The following ZNF385D variants were observed in gnomAD, a reference collection of about 807,000 sequenced individuals.
ZNF385D encodes zinc finger protein 659.
ZNF385D carries 15 observed loss-of-function variants against 35.8 expected under a neutral mutation model. The ratio of observed to expected loss-of-function variants is 0.42; its 90% CI spans 0.28 to 0.64. The LOEUF (loss-of-function observed/expected upper bound fraction) is 0.64, where lower values mean the gene tolerates loss of function less well. Among genes scored for constraint, ZNF385D ranks in the 30% least tolerant of loss-of-function variants. The pLI, the probability that ZNF385D is intolerant of heterozygous loss-of-function variation, is 0.23. For synonymous variants in ZNF385D, 212 were observed against 186.8 expected, an observed-to-expected ratio of 1.13 and a Z score of -1.10; for missense variants, 474 against 494.6, an observed-to-expected ratio of 0.96 and a Z score of 0.39.
At chr3:21,770,156 T>C (rs1250241962) in intron 3 of ZNF385D, among the ~76,000 whole-genome samples, 3 of 151,866 alleles carry the variant, frequency 2.0e-5, no homozygotes, top group Non-Finnish European at 4.4e-5. Context: ...CTAGGCAATA[T>C]CATTCAGGAC....
chr3:21,931,245 T>G (rs1700992439), intron 3 of ZNF385D, among the ~76,000 whole-genome samples: 1 of 152,148 alleles, frequency 6.6e-6, no homozygotes, highest in Non-Finnish European at 1.5e-5. Flanking sequence ...CAATGATATA[T>G]AATTTTTTTA....
intron 2 of ZNF385D, among the ~76,000 whole-genome samples, chr3:22,289,465 GT>G (rs1255563559): frequency 1.3e-5 from 2 of 152,126 alleles, no homozygotes; most frequent in African/African-American, 4.8e-5. Context: ...TCTTCCAAAG[GT>G]TTATTGTTTC....
intron 2 of ZNF385D, among the ~76,000 whole-genome samples, chr3:22,182,953 GGATA>G (rs1250338382): frequency 6.6e-6 from 1 of 151,826 alleles, no homozygotes; most frequent in Non-Finnish European, 1.5e-5. Flanking sequence ...TGATGGATAT[GGATA>G]GAAATATAGA....
chr3:22,042,987 T>C (rs1008722557), intron 3 of ZNF385D, among the ~76,000 whole-genome samples: 2 of 152,146 alleles, frequency 1.3e-5, no homozygotes, highest in Non-Finnish European at 2.9e-5. Flanking sequence ...TTGAATCTTA[T>C]TAACCCAGTC....
At chr3:22,050,790 C>G (rs914037604) in intron 3 of ZNF385D, among the ~76,000 whole-genome samples, 2 of 151,022 alleles carry the variant, frequency 1.3e-5, no homozygotes, top group Non-Finnish European at 3.0e-5. Flanking sequence ...ATTAAATAAA[C>G]TAAACAATCA....
chr3:21,564,603 T>A lies in ZNF385D; in HGVS notation c.247A>T (p.Asn83Tyr). The part of the protein sequence containing the change: ...PHRRKQIISC[N>Y]ICQLRFNSDS... ...GAATTAAATCTCAACTGGCAAATGTTGCATGATATGATTTGCTTTCTTCGG... is the reference window on the plus strand; with the variant it reads ...GAATTAAATCTCAACTGGCAAATGTAGCATGATATGATTTGCTTTCTTCGG... The change falls in exon 3 of 8, where the codon AAC becomes TAC. Residue 83 changes from asparagine to tyrosine, a missense_variant. Coordinates refer to ENST00000281523, the MANE Select transcript of ZNF385D (RefSeq NM_024697.3). The A allele has an allele frequency of 6.4e-7, 1 of 1,564,334 alleles. No individual in the cohort carries two copies. The highest frequency in any genetic ancestry group is 8.7e-7 in the Non-Finnish European group (1 of 1,154,638).
intron 2 of ZNF385D, among the ~76,000 whole-genome samples, chr3:22,196,748 ATTG>A (rs1180347171): frequency 1.3e-5 from 2 of 152,132 alleles, no homozygotes; most frequent in East Asian, 1.9e-4. Context: ...CCCAAAATAC[ATTG>A]TTGTCATTTT....
chr3:21,799,782 C>T (rs1182219970), intron 3 of ZNF385D, among the ~76,000 whole-genome samples: 1 of 151,270 alleles, frequency 6.6e-6, no homozygotes, highest in Non-Finnish European at 1.5e-5. Context: ...TATATTTTTT[C>T]TTGTTACTTT....
intron 2 of ZNF385D, among the ~76,000 whole-genome samples, chr3:22,228,925 C>T (rs1698722658): frequency 6.6e-6 from 1 of 152,200 alleles, no homozygotes; most frequent in Non-Finnish European, 1.5e-5. Flanking sequence ...ATTGTTTGCC[C>T]AGGAGCTCTT....
chr3:21,938,183 G>A (rs191498190), intron 3 of ZNF385D, among the ~76,000 whole-genome samples: 10 of 152,162 alleles, frequency 6.6e-5, no homozygotes, highest in East Asian at 3.9e-4. Context: ...CATTTTAGTC[G>A]GATAATTTGT....
intron 2 of ZNF385D, among the ~76,000 whole-genome samples, chr3:22,285,045 A>C (rs185165769): frequency 4.2e-3 from 637 of 152,316 alleles, no homozygotes; most frequent in Middle Eastern, 0.014. Flanking sequence ...ATGTTGCAGA[A>C]TAATCCACTT....
At chr3:21,602,368 C>G (rs1233793395) in intron 2 of ZNF385D, among the ~76,000 whole-genome samples, 2 of 151,822 alleles carry the variant, frequency 1.3e-5, no homozygotes, top group Non-Finnish European at 2.9e-5. Context: ...ACATATTGGC[C>G]AGCGTGCAAA....
intron 1 of ZNF385D, among the ~76,000 whole-genome samples, chr3:21,670,393 G>C (rs1033812758): frequency 6.6e-6 from 1 of 151,748 alleles, no homozygotes; most frequent in Non-Finnish European, 1.5e-5. Context: ...ATCATACAGA[G>C]CATTTTGTAT....
Position 22,331,167 on chromosome 3 carries a change from C to A in ZNF385D, c.106+41283G>T, listed in dbSNP as rs191761103. On this transcript the variant is annotated intron_variant, in intron 2 of 5. Transcript: ENST00000494108. ...TTAGGTATTCCTATGACAAATACTT[C>A]AATTCCTTTATTCTAAACATCAGTA... Among the ~76,000 whole-genome samples the A allele has an allele frequency of 1.5e-4, 23 of 152,276 alleles. 1 individual carries two copies. The highest frequency in any genetic ancestry group is 1.5e-3 in the Admixed American group (23 of 15,294).
intron 2 of ZNF385D, among the ~76,000 whole-genome samples, chr3:22,306,902 C>T (rs896831828): frequency 6.6e-6 from 1 of 152,052 alleles, no homozygotes; most frequent in Admixed American, 6.6e-5. Context: ...CTTTGAAGAG[C>T]GAAAAACATA....
At chr3:22,192,181 C>A (rs921211633) in intron 2 of ZNF385D, among the ~76,000 whole-genome samples, 1 of 152,128 alleles carries the variant, frequency 6.6e-6, no homozygotes, top group Admixed American at 6.6e-5. Context: ...ACATATGAGC[C>A]ACACCAGGTC....
intron 3 of ZNF385D, among the ~76,000 whole-genome samples, chr3:21,967,950 G>A (rs1291418496): frequency 6.6e-6 from 1 of 152,202 alleles, no homozygotes; most frequent in Non-Finnish European, 1.5e-5. Flanking sequence ...CATCATGTAA[G>A]GAAAGAGACA....
At chr3:21,950,242 C>T (rs1181509480) in intron 3 of ZNF385D, among the ~76,000 whole-genome samples, 2 of 151,708 alleles carry the variant, frequency 1.3e-5, no homozygotes, top group African/African-American at 4.9e-5. Flanking sequence ...TTTTAATGAT[C>T]ACCATTCTAA....
chr3:22,249,205 C>T (rs1038709704), intron 2 of ZNF385D, among the ~76,000 whole-genome samples: 32 of 152,134 alleles, frequency 2.1e-4, no homozygotes, highest in Admixed American at 7.9e-4. Context: ...GAGCATAATG[C>T]CATGGCTGCT....
Sources: gnomAD v4.1 joint callset for allele counts (sites outside exome capture counted in the v4.1 genomes callset) on GRCh38, gnomAD v4.1.1 for gene constraint, MANE v1.5 for transcripts, NCBI Gene and HGNC (gene_info 2026-07-23, HGNC 2026-07-21) for gene names.